The following ATG3 variants were observed in gnomAD, a reference collection of about 807,000 sequenced individuals.
The protein encoded by ATG3 is autophagy related 3.
A neutral mutation model predicts 50.7 loss-of-function variants in ATG3; 25 were observed. That is an observed-to-expected ratio of 0.49 (90% CI 0.36 to 0.69). The LOEUF (loss-of-function observed/expected upper bound fraction) is 0.69. ATG3 is among the 30% of genes least tolerant of loss of function. The pLI is 0.00. For synonymous variants in ATG3, 119 were observed against 125.5 expected (o/e 0.95, Z 0.34); for missense variants, 281 against 376.0 (o/e 0.75, Z 2.09).
intron 6 of ATG3, among the ~76,000 whole-genome samples, chr3:112,543,049 C>G (rs143633139): frequency 6.3e-4 from 96 of 151,454 alleles, no homozygotes; most frequent in African/African-American, 2.2e-3. Context: ...AATAAAAAAA[C>G]AAAACAAACA....
rs951122060 is a variant in ATG3 at position 112,561,795 on chromosome 3, G to C, written c.-267C>G. 2 of 469,890 alleles carry C rather than the reference G, an allele frequency of 4.3e-6. No homozygotes were observed. The highest frequency in any genetic ancestry group is 4.4e-5 in the Admixed American group (1 of 22,942). 29.1% of individuals were successfully genotyped at this position (469,890 alleles called of 1,614,324 possible). A position where few individuals can be genotyped will look rare whatever the true frequency, so the allele number is the denominator to read the frequency against. ...CCAGCTGTCACCCAGCCGCGAGGGAGGGCAGCGGGGCCGAAGGGAGACCTG... is the reference window on the plus strand; with the variant it reads ...CCAGCTGTCACCCAGCCGCGAGGGACGGCAGCGGGGCCGAAGGGAGACCTG... On this transcript the variant is annotated 5_prime_UTR_variant, in exon 1 of 12. Coordinates refer to ENST00000283290, the MANE Select transcript of ATG3 (RefSeq NM_022488.5).
Position 112,537,750 on chromosome 3 carries a change from C to A in ATG3, c.651G>T (p.Leu217Phe). The A allele has an allele frequency of 6.3e-7, 1 of 1,575,790 alleles. No homozygotes were observed. Among genetic ancestry groups the A allele is most frequent in the Non-Finnish European group, 8.6e-7 (1 of 1,165,812 alleles). The change falls in exon 9 of 12, where the codon TTG becomes TTT. Residue 217 changes from leucine (L) to phenylalanine (F), a missense_variant. By Grantham distance (22) the Leu-to-Phe change is conservative (BLOSUM62 0). Coordinates refer to ENST00000283290, the MANE Select transcript of ATG3 (RefSeq NM_022488.5). ...DKYYQTPRLW[L>F]FGYDEQRQPL... ...TCATTTTTACCTCATCATAGCCAAA[C>A]AACCATAATCGTGGAGTCTGGTAAT...
intron 7 of ATG3, 41 bp from the exon 8 acceptor site, chr3:112,538,221 T>C: frequency 6.8e-7 from 1 of 1,467,560 alleles, no homozygotes; most frequent in Non-Finnish European, 9.3e-7. Context: ...AAGTTCAAGT[T>C]CAAGAAAATT....
rs1933895609 is a variant in ATG3, at chr3:112,561,713, C to A, written c.-185G>T. The stretch of plus-strand genomic sequence containing the variant: ...CGAGGGGGCGGGGCGGCAGGCACAG[C>A]GCGCGAAGACGGGGTGCGCGATCCT... On this transcript the variant is annotated 5_prime_UTR_variant, in exon 1 of 12. Coordinates refer to ENST00000283290, the MANE Select transcript of ATG3 (RefSeq NM_022488.5). The A allele has an allele frequency of 3.3e-6, 2 of 604,906 alleles. No individual in the cohort carries two copies. Among genetic ancestry groups the A allele is most frequent in the Non-Finnish European group, 5.6e-6 (2 of 359,990 alleles). The allele number at this position is 604,906 out of a possible 1,614,324, so 37.5% of individuals were successfully genotyped here.
At position 112,539,040 on chromosome 3, in the gene ATG3, CTT is replaced by C. The variant is rs773124320; in HGVS notation, c.476-862_476-861del. On this transcript the variant is annotated intron_variant, in intron 7 of 11. Transcript: ENST00000283290. ...TGACATCCAATCCAGCAGCAAATCT[CTT>C]TGGCTCAACCCTCAAAGTATTCCAG... Among the ~76,000 whole-genome samples the C allele has an allele frequency of 5.9e-5, 9 of 152,308 alleles. No homozygotes were observed. In the South Asian group the frequency reaches 1.2e-3, roughly 21 times the overall value.
intron 6 of ATG3, among the ~76,000 whole-genome samples, chr3:112,543,772 C>A (rs1399321160): frequency 6.6e-6 from 1 of 152,062 alleles, no homozygotes; most frequent in Non-Finnish European, 1.5e-5. Flanking sequence ...TTGCTCCAGT[C>A]AGTGAAAATT....
At chr3:112,553,823 CTT>C (rs1266022547) in intron 2 of ATG3, among the ~76,000 whole-genome samples, 2 of 152,116 alleles carry the variant, frequency 1.3e-5, no homozygotes, top group Admixed American at 6.5e-5. Context: ...TCCTCTTCCT[CTT>C]TTATTATTTT....
chr3:112,533,225 T>C (rs1320627224), intron 11 of ATG3: 3 of 985,180 alleles, frequency 3.0e-6, no homozygotes, highest in Non-Finnish European at 2.4e-6. Context: ...GGTTAGTGTA[T>C]GTATTTGCCA....
chr3:112,545,198 G>C (rs568459930), intron 5 of ATG3, among the ~76,000 whole-genome samples: 1 of 152,048 alleles, frequency 6.6e-6, no homozygotes, highest in African/African-American at 2.4e-5. Flanking sequence ...GATGAAATTG[G>C]GATTAAAATC....
chr3:112,541,213 C>T (rs1933214705), intron 7 of ATG3, among the ~76,000 whole-genome samples: 1 of 152,038 alleles, frequency 6.6e-6, no homozygotes, highest in Non-Finnish European at 1.5e-5. Flanking sequence ...ATGGTGAAAT[C>T]CCGTCTCTAC....
At chr3:112,553,743 GA>G in intron 2 of ATG3, among the ~76,000 whole-genome samples, 2 of 152,078 alleles carry the variant, frequency 1.3e-5, no homozygotes, top group South Asian at 4.1e-4. Context: ...ATAAAAATCT[GA>G]AAAAAATTAC....
intron 6 of ATG3, among the ~76,000 whole-genome samples, chr3:112,542,669 T>C (rs1402912393): frequency 6.6e-6 from 1 of 152,112 alleles, no homozygotes; most frequent in Non-Finnish European, 1.5e-5. Flanking sequence ...TATGAGCTAA[T>C]ATTTAACAAA....
intron 5 of ATG3, among the ~76,000 whole-genome samples, chr3:112,545,855 A>G (rs1408777882): frequency 6.6e-6 from 1 of 152,222 alleles, no homozygotes; most frequent in Admixed American, 6.5e-5. Context: ...TTGGTCAAAC[A>G]CCATTCTAGA....
intron 2 of ATG3, among the ~76,000 whole-genome samples, chr3:112,554,615 A>C (rs1363399770): frequency 5.9e-5 from 9 of 152,246 alleles, no homozygotes; most frequent in Non-Finnish European, 1.2e-4. Context: ...CTACACATGG[A>C]CGCATGTGAC....
chr3:112,538,239 C>T, intron 7 of ATG3, 59 bp from the exon 8 acceptor site: 1 of 1,333,356 alleles, frequency 7.5e-7, no homozygotes, highest in Non-Finnish European at 1.0e-6. Flanking sequence ...ATTCCCTAAA[C>T]CAATTTAAGT....
intron 5 of ATG3, among the ~76,000 whole-genome samples, chr3:112,546,425 A>T (rs1933371984): frequency 6.6e-6 from 1 of 152,234 alleles, no homozygotes; most frequent in African/African-American, 2.4e-5. Context: ...ACGGATCAGG[A>T]TAGCAGATTT....
In ATG3 at chr3:112,558,359, A is replaced by G. The variant is rs934907911; in HGVS notation, c.114+17T>C. On this transcript the variant is annotated intron_variant, in intron 2 of 11. Transcript: ENST00000283290. ...TATTGTAAAATAAAAAGACTTCAGTATATCTTCAGCACTCACCTCTTCTGG... is the reference window on the plus strand; with the variant it reads ...TATTGTAAAATAAAAAGACTTCAGTGTATCTTCAGCACTCACCTCTTCTGG... 1.0e-5 allele frequency: 16 copies of G among 1,577,990 alleles called. No individual in the cohort carries two copies. Among genetic ancestry groups the G allele is most frequent in the South Asian group, 4.6e-5 (4 of 86,710 alleles).
chr3:112,547,997 T>C (rs1224292924), intron 5 of ATG3, among the ~76,000 whole-genome samples: 1 of 152,176 alleles, frequency 6.6e-6, no homozygotes, highest in African/African-American at 2.4e-5. Flanking sequence ...TCCCTCTCTG[T>C]ATTTAGAAAC....
chr3:112,549,634 C>T (rs1933471624), intron 4 of ATG3, among the ~76,000 whole-genome samples: 2 of 151,982 alleles, frequency 1.3e-5, no homozygotes, highest in African/African-American at 4.8e-5. Flanking sequence ...CATGGCAAAA[C>T]CCTGTCTCTA....
Sources: gnomAD v4.1 joint callset for allele counts (sites outside exome capture counted in the v4.1 genomes callset) on GRCh38, gnomAD v4.1.1 for gene constraint, MANE v1.5 for transcripts, NCBI Gene and HGNC (gene_info 2026-07-23, HGNC 2026-07-21) for gene names.